RARA: variants seen among roughly 807,000 people sequenced by gnomAD.
The protein encoded by RARA is retinoic acid receptor alpha, also known as PML-DDX5-RARA fusion.
Under a neutral mutation model 42.8 loss-of-function variants are expected in RARA, and 5 were observed. The observed-to-expected ratio is 0.12, with a 90% CI of 0.06 to 0.25. The LOEUF (loss-of-function observed/expected upper bound fraction) is 0.25, where lower values mean the gene tolerates loss of function less well. RARA is among the 10% of genes least tolerant of loss of function. The pLI is 1.00. For synonymous variants in RARA, 256 were observed against 259.5 expected, an observed-to-expected ratio of 0.99 and a Z score of 0.13; for missense variants, 402 against 628.7, an observed-to-expected ratio of 0.64 and a Z score of 3.86.
chr17:40,334,083 G>C (rs2033778056), intron 2 of RARA, among the ~76,000 whole-genome samples: 1 of 152,220 alleles, frequency 6.6e-6, no homozygotes, highest in South Asian at 2.1e-4. Flanking sequence ...GGAGGTGGGG[G>C]CTGGGGCCTG....
intron 1 of RARA, among the ~76,000 whole-genome samples, chr17:40,314,901 G>C (rs1202327238): frequency 6.6e-6 from 1 of 151,786 alleles, no homozygotes; most frequent in East Asian, 1.9e-4. Context: ...GCAGCCCCCA[G>C]TGTCTTCTCT....
In RARA at chr17:40,345,600, G is replaced by C. The variant is rs1395709906; in HGVS notation, c.179-2716G>C. 1.3e-5 allele frequency among the ~76,000 whole-genome samples: 2 copies of C among 152,254 alleles called. No homozygotes were observed. The highest frequency in any genetic ancestry group is 4.8e-5 in the African/African-American group (2 of 41,470). The stretch of plus-strand genomic sequence containing the variant: ...GCGGGAGGGGACGCCTGGCTTCCTG[G>C]GTCAGTTCCAGTCCTCTGTTGGGCG... On this transcript the variant is annotated intron_variant, in intron 2 of 8. Coordinates refer to ENST00000254066, the MANE Select transcript of RARA (RefSeq NM_000964.4). The surrounding 1 kb of genome is among the most constrained non-coding windows in gnomAD (Gnocchi z 4.8).
Position 40,352,658 on chromosome 17 carries a change from T to C in RARA, c.807+151T>C. The stretch of plus-strand genomic sequence containing the variant: ...TGTCTGCCCTTCCTCTCCCCATATG[T>C]CCACCTGTCCACTCGTCTCCCTGTC... On this transcript the variant is annotated intron_variant, in intron 6 of 8. Transcript: ENST00000254066. This position sits in a 1 kb window ranked among gnomAD's most constrained non-coding sequence, Gnocchi z 4.9. The C allele has an allele frequency of 1.4e-6, 1 of 721,350 alleles. No individual in the cohort carries two copies. The highest frequency in any genetic ancestry group is 3.3e-5 in the Admixed American group (1 of 30,066). The allele number at this position is 721,350 out of a possible 1,614,324, so 44.7% of individuals were successfully genotyped here. A position where few individuals can be genotyped will look rare whatever the true frequency, so the allele number is the denominator to read the frequency against.
At chr17:40,336,072 CTTT>C (rs895705526) in intron 2 of RARA, among the ~76,000 whole-genome samples, 21 of 152,250 alleles carry the variant, frequency 1.4e-4, no homozygotes, top group Admixed American at 9.8e-4. Context: ...GAGCATGTTT[CTTT>C]TTTGTTGTTG....
At chr17:40,340,970 TG>T (rs2034014299) in intron 2 of RARA, 1 of 400,218 alleles carries the variant, frequency 2.5e-6, no homozygotes, top group African/African-American at 2.1e-5. Flanking sequence ...TTGGAGTTGC[TG>T]TGAGGATAAA....
At chr17:40,348,246 G>T (rs2034331323) in intron 2 of RARA, 70 bp from the exon 3 acceptor site, 1 of 1,466,970 alleles carries the variant, frequency 6.8e-7, no homozygotes, top group Non-Finnish European at 9.0e-7. Flanking sequence ...GGACGGTGAG[G>T]CAGGGTGGAG....
At chr17:40,341,855 CT>C (rs2034060273) in intron 2 of RARA, 1 of 1,034,002 alleles carries the variant, frequency 9.7e-7, no homozygotes, top group Non-Finnish European at 1.3e-6. Context: ...ACGCCCGCCC[CT>C]CTTCCGTCCT....
At chr17:40,325,852 G>A (rs1327598744) in intron 1 of RARA, among the ~76,000 whole-genome samples, 1 of 152,216 alleles carries the variant, frequency 6.6e-6, no homozygotes, top group East Asian at 1.9e-4. Flanking sequence ...GGAGAACAGA[G>A]AGAATGAATG....
At chr17:40,340,439 T>G (rs2033997566) in intron 2 of RARA, among the ~76,000 whole-genome samples, 1 of 152,142 alleles carries the variant, frequency 6.6e-6, no homozygotes. Context: ...TCTAGCCTGG[T>G]CTTGTGTACC....
chr17:40,331,278 G>C lies in RARA; in HGVS notation c.60G>C (p.Pro20=), dbSNP rs753861488. Residue 20 remains proline (P), a synonymous_variant, in exon 2 of 9, where the codon CCG becomes CCC. Coordinates refer to ENST00000254066, the MANE Select transcript of RARA (RefSeq NM_000964.4). Reference sequence around the variant, plus strand: ...GGGGCGGGCACCTCAATGGGTACCCGGTGCCTCCCTACGCCTTCTTCTTCC... The same window carrying C: ...GGGGCGGGCACCTCAATGGGTACCCCGTGCCTCCCTACGCCTTCTTCTTCC... ...TPGGGHLNGY[P]VPPYAFFFPP... 2.5e-6 allele frequency: 4 copies of C among 1,613,652 alleles called. No individual in the cohort carries two copies. The African/African-American group carries it at 4.0e-5, about 16-fold the overall frequency.
chr17:40,344,902 C>T (rs1189890349), intron 2 of RARA, among the ~76,000 whole-genome samples: 1 of 152,154 alleles, frequency 6.6e-6, no homozygotes, highest in Non-Finnish European at 1.5e-5. Flanking sequence ...TGGAAGGGTC[C>T]CCTTGGGTGT....
At position 40,330,913 on chromosome 17, in the gene RARA, CT is replaced by C; in HGVS notation, c.-300del. The C allele has an allele frequency of 2.0e-5, 7 of 345,366 alleles. No individual in the cohort carries two copies. Among genetic ancestry groups the C allele is most frequent in the South Asian group, 8.3e-5 (1 of 12,082 alleles). The allele number at this position is 345,366 out of a possible 1,614,324, so 21.4% of individuals were successfully genotyped here. A position where few individuals can be genotyped will look rare whatever the true frequency, so the allele number is the denominator to read the frequency against. ...GCTGGGGCCCATCTAGGAGTGGCAT[CT>C]TTTTTGGTGCCCTGAAGGCCAGCTC... On this transcript the variant is annotated 5_prime_UTR_variant, in exon 2 of 9. Transcript: ENST00000254066.
At chr17:40,330,220 G>GC (rs2033655402) in intron 1 of RARA, among the ~76,000 whole-genome samples, 1 of 152,102 alleles carries the variant, frequency 6.6e-6, no homozygotes. Flanking sequence ...GGCGGTCCTT[G>GC]CCCTCCTACA....
rs1311526108 is a variant in RARA at position 40,326,854 on chromosome 17, T to A, written c.-362-4003T>A. Among the ~76,000 whole-genome samples, 1 of 152,174 alleles carries A rather than the reference T, an allele frequency of 6.6e-6. No homozygotes were observed. The highest frequency in any genetic ancestry group is 2.4e-5 in the African/African-American group (1 of 41,412). ...TCTCTCTGAGGGTCATAGCTTCTGA[T>A]GGACCTTCTGAGGCAGAGTCTGTGC... On this transcript the variant is annotated intron_variant, in intron 1 of 8. Coordinates refer to ENST00000254066, the MANE Select transcript of RARA (RefSeq NM_000964.4). The surrounding 1 kb of genome is among the most constrained non-coding windows in gnomAD (Gnocchi z 5.2).
intron 1 of RARA, among the ~76,000 whole-genome samples, chr17:40,314,473 T>C (rs1170347026): frequency 1.5e-5 from 2 of 132,738 alleles, no homozygotes; most frequent in African/African-American, 5.8e-5. Context: ...GGTGGGAGAG[T>C]GGGTGGTGAG....
In RARA at chr17:40,352,089, C is replaced by A; in HGVS notation, c.630+19C>A. ...CACTACGGTATGGCTTTCCCCCGGC[C>A]TGCAGGGTGGGATTTGCCCAGGGCC... On this transcript the variant is annotated intron_variant, in intron 5 of 8. Transcript: ENST00000254066. The surrounding 1 kb of genome is among the most constrained non-coding windows in gnomAD (Gnocchi z 4.9). The A allele has an allele frequency of 6.5e-7, 1 of 1,541,914 alleles. No homozygotes were observed. Among genetic ancestry groups the A allele is most frequent in the Non-Finnish European group, 8.7e-7 (1 of 1,150,832 alleles).
In RARA at chr17:40,326,440, T is replaced by C; in HGVS notation, c.-362-4417T>C. 1 of 152,314 alleles carries C rather than the reference T, an allele frequency of 6.6e-6. No individual in the cohort carries two copies. Among genetic ancestry groups the C allele is most frequent in the Admixed American group, 6.5e-5 (1 of 15,284 alleles). 9.4% of individuals were successfully genotyped at this position (152,314 alleles called of 1,614,324 possible). A position where few individuals can be genotyped will look rare whatever the true frequency, so the allele number is the denominator to read the frequency against. On this transcript the variant is annotated intron_variant, in intron 1 of 8. Coordinates refer to ENST00000254066, the MANE Select transcript of RARA (RefSeq NM_000964.4). The surrounding 1 kb of genome is among the most constrained non-coding windows in gnomAD (Gnocchi z 5.2). ...CCGACTTCTGGTTCTTTCTCCCATC[T>C]TCGTGGCTCAGAAAGCTCTCACCTT...
intron 2 of RARA, among the ~76,000 whole-genome samples, chr17:40,346,788 C>T (rs1308578420): frequency 6.6e-6 from 1 of 152,164 alleles, no homozygotes; most frequent in Non-Finnish European, 1.5e-5. Context: ...AGAGAATCTG[C>T]TGGGCTGGGG....
intron 2 of RARA, chr17:40,341,831 TG>T: frequency 8.9e-7 from 1 of 1,127,502 alleles, no homozygotes; most frequent in African/African-American, 1.6e-5. Context: ...GAGCCGGAAC[TG>T]GTACAAGGGA....
Sources: allele counts gnomAD v4.1 joint callset (sites outside exome capture counted in the v4.1 genomes callset), GRCh38; gene constraint gnomAD v4.1.1; non-coding constraint Gnocchi (gnomAD v3.1); transcripts MANE v1.5; gene names NCBI Gene and HGNC (gene_info 2026-07-23, HGNC 2026-07-21).